The following TEK variants were observed in gnomAD, a reference collection of about 807,000 sequenced individuals.
TEK encodes the protein TEK receptor tyrosine kinase.
A neutral mutation model predicts 131.8 loss-of-function variants in TEK; 43 were observed. The ratio of observed to expected loss-of-function variants is 0.33; its 90% CI spans 0.26 to 0.42. TEK has a LOEUF of 0.42. TEK is among the 10% of genes least tolerant of loss of function. The pLI, the probability that TEK is intolerant of heterozygous loss-of-function variation, is 1.00. For missense variants in TEK, 1,162 were observed against 1,384.4 expected (o/e 0.84, Z 2.55); for synonymous variants, 580 against 491.6 (o/e 1.18, Z -2.38).
In TEK at chr9:27,204,970, A is replaced by G; in HGVS notation, c.2269A>G (p.Met757Val). The change falls in exon 14 of 23, where the codon ATG (methionine) becomes GTG (valine). Residue 757 changes from methionine (M) to valine (V), a missense_variant. Transcript: ENST00000380036. ...TATAGCCATCCTTGGCTCTGCTGGA[A>G]TGACCTGCCTGACTGTGCTGTTGGC... ...LLIAILGSAGMTCLTVLLAFL... is the reference protein window; with the variant it reads ...LLIAILGSAGVTCLTVLLAFL... 1 of 1,614,060 alleles carries G rather than the reference A, an allele frequency of 6.2e-7. No homozygotes were observed. The highest frequency in any genetic ancestry group is 8.5e-7 in the Non-Finnish European group (1 of 1,179,938).
chr9:27,172,973 A>T (rs1389660712), intron 5 of TEK, among the ~76,000 whole-genome samples: 2 of 152,088 alleles, frequency 1.3e-5, no homozygotes, highest in African/African-American at 2.4e-5. Context: ...TTACAGTGTG[A>T]ATGCTGCCCC....
In TEK at chr9:27,192,528, G is replaced by A. The variant is rs776631444; in HGVS notation, c.1529G>A (p.Arg510Gln). The A allele has an allele frequency of 9.3e-6, 15 of 1,613,778 alleles. No homozygotes were observed. The highest frequency in any genetic ancestry group is 4.0e-5 in the African/African-American group (3 of 74,880). The change falls in exon 11 of 23, where the codon CGG becomes CAG. Residue 510 changes from arginine (R) to glutamine (Q), a missense_variant. Coordinates refer to ENST00000380036, the MANE Select transcript of TEK (RefSeq NM_000459.5). ...GTTACACTCAACTATTTGGAACCTC[G>A]GACAGAATATGAACTCTGTGTGCAA... ...EIVTLNYLEP[R>Q]TEYELCVQLV... is the part of the protein sequence containing the mutation.
chr9:27,154,089 G>C (rs1823232882), intron 1 of TEK, among the ~76,000 whole-genome samples: 1 of 152,146 alleles, frequency 6.6e-6, no homozygotes. Flanking sequence ...GACATAAAGG[G>C]ACATATATGT....
chr9:27,208,437 T>G (rs1034004924), intron 15 of TEK, among the ~76,000 whole-genome samples: 1 of 152,174 alleles, frequency 6.6e-6, no homozygotes, highest in Non-Finnish European at 1.5e-5. Flanking sequence ...TTCATTCTGG[T>G]GCCTGCTGTG....
At chr9:27,134,038 A>G (rs1208609202) in intron 1 of TEK, among the ~76,000 whole-genome samples, 1 of 152,186 alleles carries the variant, frequency 6.6e-6, no homozygotes, top group Non-Finnish European at 1.5e-5. Flanking sequence ...TGTATTTTCC[A>G]CTGGCTGTAG....
At chr9:27,190,265 G>A (rs539142274) in intron 9 of TEK, among the ~76,000 whole-genome samples, 1 of 152,104 alleles carries the variant, frequency 6.6e-6, no homozygotes, top group South Asian at 2.1e-4. Flanking sequence ...TGAATTTTTG[G>A]TTTTATCCTA....
chr9:27,170,243 C>T (rs751711969), intron 4 of TEK, among the ~76,000 whole-genome samples: 92 of 152,232 alleles, frequency 6.0e-4, no homozygotes, highest in Non-Finnish European at 8.7e-4. Context: ...TCCCACAACA[C>T]GTGGGGATTA....
chr9:27,202,841 A>T lies in TEK; in HGVS notation c.1931A>T (p.Asn644Ile), dbSNP rs773286289. Reference sequence around the variant, plus strand: ...CTAGTTCTTCCTCCTCAACCAGAAAACATCAAGATTTCCAACATTACACAC... The same window carrying T: ...CTAGTTCTTCCTCCTCAACCAGAAATCATCAAGATTTCCAACATTACACAC... Reference protein sequence around the residue: ...LSDILPPQPENIKISNITHSS... With the variant: ...LSDILPPQPEIIKISNITHSS... The change falls in exon 13 of 23, where the codon AAC becomes ATC. Residue 644 changes from asparagine (N) to isoleucine (I), a missense_variant. Physicochemically the swap from Asn to Ile is moderately radical, Grantham distance 149. This residue lies in a region of TEK where 477 missense variants were observed against 471.0 expected (regional missense o/e 1.01). Transcript: ENST00000380036. The T allele has an allele frequency of 2.5e-6, 4 of 1,613,974 alleles. No homozygotes were observed. The African/African-American group carries it at 5.3e-5, about 22-fold the overall frequency.
intron 1 of TEK, among the ~76,000 whole-genome samples, chr9:27,119,854 C>T (rs1821713034): frequency 1.3e-5 from 2 of 151,638 alleles, no homozygotes; most frequent in South Asian, 4.2e-4. Flanking sequence ...AAGCTTGTTG[C>T]ATTTTTGGAC....
At chr9:27,134,444 C>T (rs902091447) in intron 1 of TEK, among the ~76,000 whole-genome samples, 57 of 152,206 alleles carry the variant, frequency 3.7e-4, no homozygotes, top group Admixed American at 1.7e-3. Flanking sequence ...AATCACACAA[C>T]AGAGCAAAAT....
chr9:27,159,268 C>T (rs2131122903), intron 2 of TEK, among the ~76,000 whole-genome samples: 1 of 152,292 alleles, frequency 6.6e-6, no homozygotes, highest in East Asian at 1.9e-4. Flanking sequence ...TTTTGTACCA[C>T]TGCCATCTAC....
chr9:27,221,461 ACCCC>A (rs1187523496), intron 21 of TEK, among the ~76,000 whole-genome samples: 47 of 116,808 alleles, frequency 4.0e-4, no homozygotes, highest in South Asian at 3.4e-4. Context: ...CCCTGACCCG[ACCCC>A]TGTGCTCCCT....
intron 13 of TEK, 47 bp downstream of exon 13, chr9:27,203,166 A>G (rs753408291): frequency 4.4e-6 from 7 of 1,601,914 alleles, no homozygotes; most frequent in Non-Finnish European, 6.0e-6. Flanking sequence ...GTGCAGCCCT[A>G]TAGGCAGCTG....
chr9:27,205,484 C>T (rs1409603528), intron 14 of TEK, among the ~76,000 whole-genome samples: 2 of 152,122 alleles, frequency 1.3e-5, no homozygotes, highest in Non-Finnish European at 2.9e-5. Flanking sequence ...CTCACATTTG[C>T]CTATTTCCAG....
At chr9:27,109,974 A>AT (rs59552925) in intron 1 of TEK, among the ~76,000 whole-genome samples, 16 of 151,622 alleles carry the variant, frequency 1.1e-4, no homozygotes, top group South Asian at 2.1e-4. Context: ...TTTCTTATTG[A>AT]TTTTTTTTTT....
chr9:27,186,777 A>T (rs2131176534), intron 9 of TEK, among the ~76,000 whole-genome samples: 1 of 152,212 alleles, frequency 6.6e-6, no homozygotes, highest in Middle Eastern at 3.4e-3. Flanking sequence ...CTCTTGGGAG[A>T]TCTCAGAGGT....
chr9:27,146,704 CT>C (rs1822929920), intron 1 of TEK, among the ~76,000 whole-genome samples: 2 of 149,748 alleles, frequency 1.3e-5, no homozygotes, highest in South Asian at 4.2e-4. Flanking sequence ...ATAAATAGAG[CT>C]GCTATAAACA....
At chr9:27,211,180 T>TATGAATATATGTATAC (rs1825607365) in intron 16 of TEK, among the ~76,000 whole-genome samples, 1 of 128,800 alleles carries the variant, frequency 7.8e-6, no homozygotes, top group African/African-American at 3.0e-5. Flanking sequence ...TGTATATATA[T>TATGAATATATGTATAC]ATATGAATAT....
rs140822104 is a variant in TEK, at chr9:27,220,805, G to A, written c.3200+660G>A. 7.4e-3 allele frequency among the ~76,000 whole-genome samples: 1,125 copies of A among 152,316 alleles called. 6 individuals are homozygous for A. Among genetic ancestry groups the A allele is most frequent in the African/African-American group, 0.012 (499 of 41,566 alleles). On this transcript the variant is annotated intron_variant, in intron 21 of 22. Coordinates refer to ENST00000380036, the MANE Select transcript of TEK (RefSeq NM_000459.5). ...ACCTGCAGACCAGGAGATTCCCTCT[G>A]GTGCCTATGCCAACAGGGCCATGGG...
Sources: gnomAD v4.1 joint callset for allele counts (sites outside exome capture counted in the v4.1 genomes callset) on GRCh38, gnomAD v4.1.1 for gene constraint, gnomAD v4.1.1 regional missense constraint, MANE v1.5 for transcripts, NCBI Gene and HGNC (gene_info 2026-07-23, HGNC 2026-07-21) for gene names.